The following CCDC42 variants were observed in gnomAD, a reference collection of about 807,000 sequenced individuals.
CCDC42 encodes the protein coiled-coil domain containing 42.
A neutral mutation model predicts 40.8 loss-of-function variants in CCDC42; 38 were observed. The ratio of observed to expected loss-of-function variants is 0.93; its 90% CI spans 0.72 to 1.22. CCDC42 has a LOEUF of 1.22. Ranked by LOEUF, CCDC42 falls within the 50% of genes most tolerant of loss-of-function variation. The pLI is 0.00. For missense variants in CCDC42, 379 were observed against 416.5 expected (o/e 0.91, Z 0.78); for synonymous variants, 135 against 157.5 (o/e 0.86, Z 1.07).
intron 4 of CCDC42, among the ~76,000 whole-genome samples, chr17:8,740,928 A>C (rs533330178): frequency 2.8e-4 from 42 of 152,250 alleles, no homozygotes; most frequent in African/African-American, 1.0e-3. Flanking sequence ...AACTGAATGA[A>C]GTTACCCGTG....
Position 8,729,994 on chromosome 17 carries a change from G to A in CCDC42, c.*136C>T. 1.4e-6 allele frequency: 1 copy of A among 733,508 alleles called. No individual in the cohort carries two copies. The allele number at this position is 733,508 out of a possible 1,614,324, so 45.4% of individuals were successfully genotyped here. On this transcript the variant is annotated 3_prime_UTR_variant, in exon 7 of 7. Transcript: ENST00000293845. ...TTTCAGGGATAGAGTGAGGCCCACGGGGGAAAATAAGCAGGTGTCCCTCAG... is the reference window on the plus strand; with the variant it reads ...TTTCAGGGATAGAGTGAGGCCCACGAGGGAAAATAAGCAGGTGTCCCTCAG...
chr17:8,733,704 T>C (rs1164134257), intron 6 of CCDC42, among the ~76,000 whole-genome samples: 1 of 152,126 alleles, frequency 6.6e-6, no homozygotes, highest in African/African-American at 2.4e-5. Context: ...TTGGCCAGGC[T>C]GGTCTCAAAC....
intron 4 of CCDC42, among the ~76,000 whole-genome samples, chr17:8,737,419 C>T (rs1340525122): frequency 1.3e-5 from 2 of 152,320 alleles, no homozygotes; most frequent in East Asian, 3.9e-4. Context: ...CATCAGTTCA[C>T]AATGATACTA....
intron 4 of CCDC42, among the ~76,000 whole-genome samples, chr17:8,739,094 C>T (rs1311723042): frequency 6.9e-6 from 1 of 144,326 alleles, no homozygotes; most frequent in African/African-American, 2.6e-5. Flanking sequence ...GTATTTTGAA[C>T]AAAATAAAGA....
intron 6 of CCDC42, among the ~76,000 whole-genome samples, chr17:8,733,050 G>A (rs961692739): frequency 6.6e-6 from 1 of 152,076 alleles, no homozygotes; most frequent in African/African-American, 2.4e-5. Flanking sequence ...AGAAATTTCA[G>A]TGAGAACTAA....
chr17:8,730,025 A>G lies in CCDC42; in HGVS notation c.*105T>C. The G allele has an allele frequency of 1.1e-6, 1 of 928,232 alleles. No individual in the cohort carries two copies. The highest frequency in any genetic ancestry group is 1.7e-6 in the Non-Finnish European group (1 of 575,362). 57.5% of individuals were successfully genotyped at this position (928,232 alleles called of 1,614,324 possible). ...AATAAGCAGGTGTCCCTCAGCAGGA[A>G]GGCACAGCAGGCATCGGTCCCGAGC... On this transcript the variant is annotated 3_prime_UTR_variant, in exon 7 of 7. Coordinates refer to ENST00000293845, the MANE Select transcript of CCDC42 (RefSeq NM_144681.3).
chr17:8,737,696 A>C (rs2152143377), intron 4 of CCDC42, among the ~76,000 whole-genome samples: 1 of 152,302 alleles, frequency 6.6e-6, no homozygotes, highest in South Asian at 2.1e-4. Flanking sequence ...TAAACACATC[A>C]ATGGAATCAT....
intron 6 of CCDC42, among the ~76,000 whole-genome samples, chr17:8,734,230 T>G (rs1470022164): frequency 2.0e-5 from 3 of 152,248 alleles, no homozygotes; most frequent in Non-Finnish European, 4.4e-5. Flanking sequence ...ACAAATGTTT[T>G]AAAATTTTCT....
chr17:8,739,535 AT>A lies in CCDC42; in HGVS notation c.492+1938del, dbSNP rs958851267. ...CTCTGAATTCAAGACACATCTTACA[AT>A]TTTTTTTTGGTTTGTTTGTTTTTGA... On this transcript the variant is annotated intron_variant, in intron 4 of 6. Transcript: ENST00000293845. Among the ~76,000 whole-genome samples, 3 of 151,496 alleles carry A rather than the reference AT, an allele frequency of 2.0e-5. No homozygotes were observed. The East Asian group carries it at 5.8e-4, about 29-fold the overall frequency.
chr17:8,744,663 G>A lies in CCDC42; in HGVS notation c.-54C>T. 3 of 1,350,780 alleles carry A rather than the reference G, an allele frequency of 2.2e-6. No individual in the cohort carries two copies. The highest frequency in any genetic ancestry group is 3.4e-5 in the Admixed American group (2 of 59,378). The allele number at this position is 1,350,780 out of a possible 1,614,324, so 83.7% of individuals were successfully genotyped here. ...CTGACTCTTCACAGTGAAATTGTGG[G>A]TAGCAGAGCCACAGGTGGCTCAGGG... On this transcript the variant is annotated 5_prime_UTR_variant, in exon 1 of 7. Transcript: ENST00000293845.
rs746712678 is a variant in CCDC42, at chr17:8,741,687, G to T, written c.295-16C>A. ...GGTCGTTCTCCTGGGGCCCGGGGAG[G>T]TGGCGCTGGTCAGGAAGCCTCGCCC... On this transcript the variant is annotated splice_polypyrimidine_tract_variant and intron_variant, in intron 3 of 6. Transcript: ENST00000293845. 3 of 1,609,350 alleles carry T rather than the reference G, an allele frequency of 1.9e-6. No individual in the cohort carries two copies. In the East Asian group the frequency reaches 6.7e-5, roughly 36 times the overall value.
At position 8,735,405 on chromosome 17, in the gene CCDC42, G is replaced by T; in HGVS notation, c.699C>A (p.Ser233Arg). 1 of 1,613,914 alleles carries T rather than the reference G, an allele frequency of 6.2e-7. No individual in the cohort carries two copies. The highest frequency in any genetic ancestry group is 8.5e-7 in the Non-Finnish European group (1 of 1,180,022). Residue 233 changes from serine to arginine, a missense_variant, in exon 5 of 7, where the codon AGC becomes AGA. By Grantham distance (110) the Ser-to-Arg change is moderately radical. Coordinates refer to ENST00000293845, the MANE Select transcript of CCDC42 (RefSeq NM_144681.3). This position sits in a 1 kb window ranked among gnomAD's most constrained non-coding sequence, Gnocchi z 4.7. ...GGCCCCTCACCCAGAAGATGACATTGCTGCGGGCACGGTCAAAGCGCATCT... is the reference window on the plus strand; with the variant it reads ...GGCCCCTCACCCAGAAGATGACATTTCTGCGGGCACGGTCAAAGCGCATCT... ...RLQMRFDRAR[S>R]NVIFWESRWA...
chr17:8,730,278 C>T (rs1037683703), intron 6 of CCDC42, 71 bp from the exon 7 acceptor site: 14 of 960,066 alleles, frequency 1.5e-5, no homozygotes, highest in Non-Finnish European at 2.1e-5. Flanking sequence ...TGGAGCATCC[C>T]AGACATTCAC....
chr17:8,733,900 T>C (rs894097669), intron 6 of CCDC42, among the ~76,000 whole-genome samples: 3 of 152,128 alleles, frequency 2.0e-5, no homozygotes, highest in African/African-American at 7.2e-5. Context: ...CTATTGTGGG[T>C]CATAGGGGTT....
chr17:8,735,486 G>A lies in CCDC42; in HGVS notation c.618C>T (p.Tyr206=). 2 of 1,614,102 alleles carry A rather than the reference G, an allele frequency of 1.2e-6. No homozygotes were observed. Among genetic ancestry groups the A allele is most frequent in the Non-Finnish European group, 1.7e-6 (2 of 1,180,042 alleles). ...GGATCTCATCATCCTTTTCCTCCATGTAGCGCGCCAGCCGGGCCTTGGCGC... is the reference window on the plus strand; with the variant it reads ...GGATCTCATCATCCTTTTCCTCCATATAGCGCGCCAGCCGGGCCTTGGCGC... ...IERAKARLAR[Y]MEEKDDEILQ... Residue 206 remains tyrosine (Y), a synonymous_variant, in exon 5 of 7, where the codon TAC becomes TAT. Transcript: ENST00000293845. This position sits in a 1 kb window ranked among gnomAD's most constrained non-coding sequence, Gnocchi z 4.7.
intron 4 of CCDC42, among the ~76,000 whole-genome samples, chr17:8,739,270 T>C (rs975966860): frequency 2.8e-4 from 43 of 152,150 alleles, no homozygotes; most frequent in Non-Finnish European, 4.0e-4. Flanking sequence ...GATCTGCTGA[T>C]TGATAGCTGT....
In CCDC42 at chr17:8,743,741, G is replaced by C; in HGVS notation, c.190-11C>G. ...TCTGCGCTGAAACATCTTTGGGGTGGGGGTGGGAGAGCAGAGAGGTCAGGA... is the reference window on the plus strand; with the variant it reads ...TCTGCGCTGAAACATCTTTGGGGTGCGGGTGGGAGAGCAGAGAGGTCAGGA... On this transcript the variant is annotated splice_polypyrimidine_tract_variant and intron_variant, in intron 2 of 6. Coordinates refer to ENST00000293845, the MANE Select transcript of CCDC42 (RefSeq NM_144681.3). The C allele has an allele frequency of 6.5e-7, 1 of 1,527,968 alleles. No homozygotes were observed. Among genetic ancestry groups the C allele is most frequent in the Non-Finnish European group, 9.1e-7 (1 of 1,102,072 alleles). 94.7% of individuals were successfully genotyped at this position (1,527,968 alleles called of 1,614,324 possible).
At chr17:8,744,394 G>A (rs2086665076) in intron 1 of CCDC42, 133 bp downstream of exon 1, 2 of 799,366 alleles carry the variant, frequency 2.5e-6, no homozygotes, top group Non-Finnish European at 4.2e-6. Flanking sequence ...TGATGAGGTG[G>A]ACTGGTGCCA....
chr17:8,731,789 T>C (rs1172050574), intron 6 of CCDC42, among the ~76,000 whole-genome samples: 1 of 151,980 alleles, frequency 6.6e-6, no homozygotes, highest in Non-Finnish European at 1.5e-5. Flanking sequence ...TCAGAAAAAA[T>C]GACTATTGGA....
Sources: gnomAD v4.1 joint callset for allele counts (sites outside exome capture counted in the v4.1 genomes callset) on GRCh38, gnomAD v4.1.1 for gene constraint, Gnocchi (gnomAD v3.1) non-coding constraint, MANE v1.5 for transcripts, NCBI Gene and HGNC (gene_info 2026-07-23, HGNC 2026-07-21) for gene names.